LCA5: variants seen among roughly 807,000 people sequenced by gnomAD.
The protein encoded by LCA5 is lebercilin.
A neutral mutation model predicts 53.0 loss-of-function variants in LCA5; 37 were observed. The ratio of observed to expected loss-of-function variants is 0.70; its 90% CI spans 0.54 to 0.92. LCA5 has a LOEUF of 0.92. LCA5 is among the 40% of genes least tolerant of loss of function. The pLI, the probability that LCA5 is intolerant of heterozygous loss-of-function variation, is 0.00. For synonymous variants in LCA5, 303 were observed against 282.9 expected (o/e 1.07, Z -0.71); for missense variants, 806 against 790.5 (o/e 1.02, Z -0.23).
intron 3 of LCA5, among the ~76,000 whole-genome samples, chr6:79,512,307 G>C (rs1766242417): frequency 6.6e-6 from 1 of 152,006 alleles, no homozygotes; most frequent in Admixed American, 6.6e-5. Context: ...GAAGACAATA[G>C]TTGCAAATTT....
chr6:79,517,088 T>G lies in LCA5; in HGVS notation c.190+1617A>C, dbSNP rs183754766. On this transcript the variant is annotated intron_variant, in intron 2 of 7. Transcript: ENST00000369846. ...AAATGCTGTTTGAATCACATTTGTT[T>G]TGTCCCTAGGTTAGTCTATACTGAT... 3.9e-5 allele frequency among the ~76,000 whole-genome samples: 6 copies of G among 152,184 alleles called. No homozygotes were observed. The East Asian group carries it at 1.2e-3, about 29-fold the overall frequency.
intron 1 of LCA5, among the ~76,000 whole-genome samples, chr6:79,527,724 T>C (rs773129510): frequency 3.9e-5 from 6 of 152,194 alleles, no homozygotes; most frequent in African/African-American, 4.8e-5. Flanking sequence ...AATGCAATCC[T>C]ATACTCATCA....
At chr6:79,492,454 A>C (rs1444646603) in intron 5 of LCA5, 97 bp downstream of exon 5, 1 of 571,698 alleles carries the variant, frequency 1.7e-6, no homozygotes, top group Admixed American at 3.2e-5. Flanking sequence ...AATATATTTC[A>C]ATGAGGTTCT....
At position 79,487,837 on chromosome 6, in the gene LCA5, G is replaced by A. The variant is rs1280431297; in HGVS notation, c.1261C>T (p.Gln421Ter). The A allele has an allele frequency of 6.2e-7, 1 of 1,605,350 alleles. No individual in the cohort carries two copies. The highest frequency in any genetic ancestry group is 1.1e-5 in the South Asian group (1 of 88,558). Reference sequence around the variant, plus strand: ...TCCAGTAAAGATGCCTTTTCTTTTTGCTTTTTATCAAGTTCTTCTCTTTCC... The same window carrying A: ...TCCAGTAAAGATGCCTTTTCTTTTTACTTTTTATCAAGTTCTTCTCTTTCC... The part of the protein sequence containing the change: ...EWEREELDKK[Q>*]KEKASLLERE... The change falls in exon 8 of 8, where the codon CAA becomes TAA. Residue 421 changes from glutamine (Q) to a stop codon, truncating the protein, a stop_gained. Coordinates refer to ENST00000369846, the MANE Select transcript of LCA5 (RefSeq NM_001122769.3). LOFTEE classifies it low-confidence loss of function (END_TRUNC).
intron 2 of LCA5, among the ~76,000 whole-genome samples, chr6:79,517,461 C>T (rs1181005882): frequency 6.6e-6 from 1 of 152,044 alleles, no homozygotes; most frequent in Non-Finnish European, 1.5e-5. Context: ...ACCTTAAGAT[C>T]TGTTTTGTTA....
chr6:79,509,479 T>A (rs1369603884), intron 3 of LCA5, among the ~76,000 whole-genome samples: 1 of 149,782 alleles, frequency 6.7e-6, no homozygotes, highest in African/African-American at 2.4e-5. Flanking sequence ...AAAAGTAGGT[T>A]CATAATAACA....
rs930995274 is a variant in LCA5, at chr6:79,537,159, G to C, written c.-192+6C>G. 6.5e-6 allele frequency: 1 copy of C among 153,066 alleles called. No individual in the cohort carries two copies. Among genetic ancestry groups the C allele is most frequent in the East Asian group, 1.9e-4 (1 of 5,204 alleles). The allele number at this position is 153,066 out of a possible 1,614,324, so 9.5% of individuals were successfully genotyped here. On this transcript the variant is annotated splice_donor_region_variant and intron_variant, in intron 1 of 7. Coordinates refer to ENST00000369846, the MANE Select transcript of LCA5 (RefSeq NM_001122769.3). ...CCGCCGTCTCCACGCCCACTTCAAA[G>C]CCCACCTCCAACCCGCAGGCTCTTC...
chr6:79,513,402 T>A lies in LCA5; in HGVS notation c.530A>T (p.Lys177Ile). 1 of 1,614,012 alleles carries A rather than the reference T, an allele frequency of 6.2e-7. No homozygotes were observed. Among genetic ancestry groups the A allele is most frequent in the Non-Finnish European group, 8.5e-7 (1 of 1,179,924 alleles). ...AGTTGCCCGTTCTTTCTCTTGAGAT[T>A]TTCTTAAGCGTTCTTTGAGTGCTGT... ...EITALKERLR[K>I]SQEKERATEK... The change falls in exon 3 of 8, where the codon AAA becomes ATA. Residue 177 changes from lysine (K) to isoleucine (I), a missense_variant. Physicochemically the swap from Lys to Ile is moderately radical, Grantham distance 102. Transcript: ENST00000369846.
intron 3 of LCA5, among the ~76,000 whole-genome samples, chr6:79,498,218 ACATGAGAGAGCATG>A (rs1770036861): frequency 6.6e-6 from 1 of 152,048 alleles, no homozygotes; most frequent in Non-Finnish European, 1.5e-5. Context: ...CAGAGAGACC[ACATGAGAGAGCATG>A]CATGCATATT....
At chr6:79,536,446 G>A (rs890064232) in intron 1 of LCA5, among the ~76,000 whole-genome samples, 1 of 152,174 alleles carries the variant, frequency 6.6e-6, no homozygotes, top group Non-Finnish European at 1.5e-5. Flanking sequence ...AACAAAAAAG[G>A]GGTTTATATC....
intron 3 of LCA5, among the ~76,000 whole-genome samples, chr6:79,501,376 T>C (rs1770135039): frequency 6.6e-6 from 1 of 152,194 alleles, no homozygotes; most frequent in Admixed American, 6.5e-5. Flanking sequence ...AAATAAGACT[T>C]GTTCTTGCTG....
chr6:79,501,318 A>C (rs1006624113), intron 3 of LCA5, among the ~76,000 whole-genome samples: 1 of 152,128 alleles, frequency 6.6e-6, no homozygotes, highest in Non-Finnish European at 1.5e-5. Flanking sequence ...TCTTTTAAGA[A>C]ACACTAATTT....
In LCA5 at chr6:79,520,896, T is replaced by C. The variant is rs1277167302; in HGVS notation, c.-191-1811A>G. ...AGAAGGGTAACATACATAATTTTTA[T>C]ATATTTAAGTAGAAGGAGAAATCAA... On this transcript the variant is annotated intron_variant, in intron 1 of 7. Transcript: ENST00000369846. Among the ~76,000 whole-genome samples the C allele has an allele frequency of 1.3e-5, 2 of 152,280 alleles. 1 individual carries two copies. The highest frequency in any genetic ancestry group is 4.8e-5 in the African/African-American group (2 of 41,574).
chr6:79,538,582 C>T (rs117178614), upstream of LCA5, among the ~76,000 whole-genome samples: 1 of 152,338 alleles, frequency 6.6e-6, no homozygotes, highest in East Asian at 1.9e-4. Context: ...TAATCTGTCT[C>T]TGCTGACACT....
At chr6:79,490,553 ACTTTGTTATTCCTCACTTTGT>A (rs1176403905) in intron 6 of LCA5, among the ~76,000 whole-genome samples, 2 of 152,288 alleles carry the variant, frequency 1.3e-5, no homozygotes, top group East Asian at 3.9e-4. Context: ...GTTAACAATT[ACTTTGTTATTCCTCACTTTGT>A]GATTTCAAAA....
chr6:79,530,519 GAAAACAAAAC>G (rs573838733), intron 1 of LCA5, among the ~76,000 whole-genome samples: 2 of 152,008 alleles, frequency 1.3e-5, no homozygotes, highest in Non-Finnish European at 2.9e-5. Context: ...GTTTAAGAAA[GAAAACAAAAC>G]AAAACAAAAC....
intron 1 of LCA5, among the ~76,000 whole-genome samples, chr6:79,529,614 C>T (rs988611608): frequency 2.0e-5 from 3 of 151,980 alleles, no homozygotes; most frequent in Non-Finnish European, 4.4e-5. Context: ...ATGGTAACCC[C>T]GCAGAATATA....
rs780368619 is a variant in LCA5 at position 79,487,569 on chromosome 6, C to G, written c.1529G>C (p.Arg510Thr). 1.9e-6 allele frequency: 3 copies of G among 1,613,960 alleles called. No individual in the cohort carries two copies. The Admixed American group carries it at 5.0e-5, about 27-fold the overall frequency. The change falls in exon 8 of 8, where the codon AGG becomes ACG. Residue 510 changes from arginine (R) to threonine (T), a missense_variant. By Grantham distance (71) the Arg-to-Thr change is moderately conservative. Transcript: ENST00000369846. ...HSPERSPKTY[R>T]FSESSERLFN... ...TAATCTCTCTGAGGATTCAGAGAAC[C>G]TGTATGTTTTGGGGCTTCTCTCTGG...
intron 1 of LCA5, among the ~76,000 whole-genome samples, chr6:79,523,203 T>A (rs1052999055): frequency 2.7e-4 from 41 of 152,260 alleles, no homozygotes; most frequent in East Asian, 1.7e-3. Context: ...GCAGTCTCTA[T>A]CAAAATTAGC....
Sources: allele counts gnomAD v4.1 joint callset (sites outside exome capture counted in the v4.1 genomes callset), GRCh38; gene constraint gnomAD v4.1.1; transcripts MANE v1.5; gene names NCBI Gene and HGNC (gene_info 2026-07-23, HGNC 2026-07-21).